Variants in ATG2B observed in about 807,000 individuals in gnomAD.
The protein encoded by ATG2B is autophagy related 2B, also known as autophagy-related protein 2 homolog B.
In ATG2B, 121 loss-of-function variants were observed where a neutral mutation model predicts 241.3. The ratio of observed to expected loss-of-function variants is 0.50; its 90% CI spans 0.43 to 0.58. The LOEUF (loss-of-function observed/expected upper bound fraction) is 0.58, where lower values mean the gene tolerates loss of function less well. Among genes scored for constraint, ATG2B ranks in the 20% least tolerant of loss-of-function variants. ATG2B has a pLI of 0.00. For synonymous variants in ATG2B, 858 were observed against 876.6 expected, an observed-to-expected ratio of 0.98 and a Z score of 0.37; for missense variants, 2,306 against 2,491.6, an observed-to-expected ratio of 0.93 and a Z score of 1.59.
At position 96,303,081 on chromosome 14, in the gene ATG2B, G is replaced by A. The variant is rs755697489; in HGVS notation, c.5017C>T (p.Arg1673Ter). The part of the protein sequence containing the change: ...LYLYCSKEMP[R>*]KAHSNMLTVK... The stretch of plus-strand genomic sequence containing the variant: ...CTTACCATGTTGGAGTGAGCTTTTC[G>A]AGGCATTTCTTTACTGCAATACAGG... The change falls in exon 33 of 42, where the codon CGA becomes TGA. Residue 1673 changes from arginine (R) to a stop codon, truncating the protein, a stop_gained. Coordinates refer to ENST00000359933, the MANE Select transcript of ATG2B (RefSeq NM_018036.7). LOFTEE classifies it high-confidence loss of function. 5 of 1,596,230 alleles carry A rather than the reference G, an allele frequency of 3.1e-6. No individual in the cohort carries two copies. The highest frequency in any genetic ancestry group is 4.3e-6 in the Non-Finnish European group (5 of 1,170,856).
At chr14:96,355,670 C>G (rs1182167067) in intron 1 of ATG2B, among the ~76,000 whole-genome samples, 1 of 152,032 alleles carries the variant, frequency 6.6e-6, no homozygotes, top group African/African-American at 2.4e-5. Context: ...GGCCATTGGT[C>G]TTTATCTTTC....
In ATG2B at chr14:96,279,497, C is replaced by T. The variant is rs1214055842; in HGVS notation, c.*6258G>A. The T allele has an allele frequency of 1.3e-5, 2 of 152,238 alleles. No homozygotes were observed. Among genetic ancestry groups the T allele is most frequent in the African/African-American group, 4.8e-5 (2 of 41,444 alleles). 9.4% of individuals were successfully genotyped at this position (152,238 alleles called of 1,614,324 possible). A position where few individuals can be genotyped will look rare whatever the true frequency, so the allele number is the denominator to read the frequency against. On this transcript the variant is annotated 3_prime_UTR_variant, in exon 42 of 42. Transcript: ENST00000359933. ...GGCACCGGGTCCCTAAGTCCCTTGCCCTCCTGAAGGAAGTCAAACAGGGAA... is the reference window on the plus strand; with the variant it reads ...GGCACCGGGTCCCTAAGTCCCTTGCTCTCCTGAAGGAAGTCAAACAGGGAA...
chr14:96,339,739 G>A (rs1262964804), intron 6 of ATG2B, among the ~76,000 whole-genome samples: 1 of 151,894 alleles, frequency 6.6e-6, no homozygotes, highest in Non-Finnish European at 1.5e-5. Context: ...AGGTTAGGAA[G>A]GAGGTGAAGG....
rs182875008 is a variant in ATG2B at position 96,316,737 on chromosome 14, A to T, written c.3211-54T>A. ...GTTATTACTTAAATGCAGAAAAGTA[A>T]GCATGTTCCTTGAGATGCTCTTTGT... On this transcript the variant is annotated intron_variant, in intron 20 of 41. Coordinates refer to ENST00000359933, the MANE Select transcript of ATG2B (RefSeq NM_018036.7). 7.3e-4 allele frequency: 1,093 copies of T among 1,505,768 alleles called. 2 individuals are homozygous for T. The highest frequency in any genetic ancestry group is 1.6e-3 in the Middle Eastern group (8 of 5,064). 93.3% of individuals were successfully genotyped at this position (1,505,768 alleles called of 1,614,324 possible).
intron 6 of ATG2B, among the ~76,000 whole-genome samples, chr14:96,338,539 A>G (rs1339883009): frequency 6.6e-6 from 1 of 152,188 alleles, no homozygotes; most frequent in Non-Finnish European, 1.5e-5. Context: ...TAAATTGGTT[A>G]AAACACCCCC....
In ATG2B at chr14:96,290,683, C is replaced by A. The variant is rs1026095158; in HGVS notation, c.5702-93G>T. On this transcript the variant is annotated intron_variant, in intron 39 of 41. Coordinates refer to ENST00000359933, the MANE Select transcript of ATG2B (RefSeq NM_018036.7). This position sits in a 1 kb window ranked among gnomAD's most constrained non-coding sequence, Gnocchi z 4.4. ...GGTTTTTAACTCCTAAAACTGGAGG[C>A]AAAGTTTTGTGTATATGAGTACATA... The A allele has an allele frequency of 5.1e-6, 8 of 1,560,264 alleles. No homozygotes were observed. The African/African-American group carries it at 9.6e-5, about 19-fold the overall frequency.
chr14:96,333,096 T>TA lies in ATG2B; in HGVS notation c.1208-442dup, dbSNP rs1201070185. Among the ~76,000 whole-genome samples the TA allele has an allele frequency of 2.6e-5, 4 of 152,168 alleles. 1 individual carries two copies. Among genetic ancestry groups the TA allele is most frequent in the South Asian group, 4.1e-4 (2 of 4,836 alleles). On this transcript the variant is annotated intron_variant, in intron 8 of 41. Coordinates refer to ENST00000359933, the MANE Select transcript of ATG2B (RefSeq NM_018036.7). ...TCAGTTCCTTCTTTCGGAATTGTTT[T>TA]ACTCTCATGCAAATGAAGTTTATTA...
chr14:96,329,607 G>A lies in ATG2B; in HGVS notation c.1758C>T (p.Ser586=). The change falls in exon 12 of 42, where the codon TCC becomes TCT. Residue 586 remains serine, a synonymous_variant. Transcript: ENST00000359933. ...AAGCTGATCTTTGTCTTTGTTCATA[G>A]GATACTTTAATGCCAGTACCTATAA... ...LRFIGTGIKV[S]YEQRQRSASR... is the part of the protein sequence containing the mutation. 2 of 1,607,306 alleles carry A rather than the reference G, an allele frequency of 1.2e-6. No homozygotes were observed. Among genetic ancestry groups the A allele is most frequent in the Non-Finnish European group, 1.7e-6 (2 of 1,174,544 alleles).
Position 96,279,779 on chromosome 14 carries a change from G to A in ATG2B, c.*5976C>T, listed in dbSNP as rs181398447. The A allele has an allele frequency of 1.7e-4, 26 of 151,180 alleles. No individual in the cohort carries two copies. The highest frequency in any genetic ancestry group is 2.2e-4 in the Non-Finnish European group (15 of 67,892). 9.4% of individuals were successfully genotyped at this position (151,180 alleles called of 1,614,324 possible). On this transcript the variant is annotated 3_prime_UTR_variant, in exon 42 of 42. Coordinates refer to ENST00000359933, the MANE Select transcript of ATG2B (RefSeq NM_018036.7). ...CTTAGCCCAGTGATTTTTAACAGGG[G>A]ATTTTTGTCATATTTGGCATATTTG...
intron 32 of ATG2B, 65 bp downstream of exon 32, chr14:96,304,430 G>A (rs1239394719): frequency 3.3e-6 from 4 of 1,209,288 alleles, no homozygotes; most frequent in African/African-American, 1.5e-5. Context: ...CGTGGTGGGG[G>A]ATAACAAAAG....
In ATG2B at chr14:96,302,608, T is replaced by G. The variant is rs377357849; in HGVS notation, c.5037+453A>C. Among the ~76,000 whole-genome samples, 5 of 152,148 alleles carry G rather than the reference T, an allele frequency of 3.3e-5. No individual in the cohort carries two copies. In the East Asian group the frequency reaches 7.7e-4, roughly 24 times the overall value. ...AAAAAAACTGCTTAAAGATGTAGAC[T>G]CTCTTTAGAGGAAAAATTGCAAATG... On this transcript the variant is annotated intron_variant, in intron 33 of 41. Coordinates refer to ENST00000359933, the MANE Select transcript of ATG2B (RefSeq NM_018036.7).
intron 1 of ATG2B, among the ~76,000 whole-genome samples, chr14:96,358,066 C>T (rs1339679642): frequency 2.0e-5 from 3 of 152,130 alleles, no homozygotes; most frequent in Non-Finnish European, 4.4e-5. Context: ...AAGTTTTCGT[C>T]CCAATTTTGT....
chr14:96,328,394 T>A lies in ATG2B; in HGVS notation c.2116A>T (p.Met706Leu), dbSNP rs760519524. Residue 706 changes from methionine to leucine, a missense_variant, in exon 14 of 42, where the codon ATG (methionine) becomes TTG (leucine). Physicochemically the swap from Met to Leu is conservative, Grantham distance 15 (BLOSUM62 2). Transcript: ENST00000359933. Reference protein sequence around the residue: ...LQPQKLATVEMMASHMYTSYN... With the variant: ...LQPQKLATVELMASHMYTSYN... ...GAAGTATACATGTGGGATGCCATCA[T>A]CTCTACTGTGGCAAGTTTCTGTGGT... The A allele has an allele frequency of 3.1e-6, 5 of 1,613,592 alleles. No individual in the cohort carries two copies. Among genetic ancestry groups the A allele is most frequent in the African/African-American group, 1.3e-5 (1 of 74,898 alleles).
At chr14:96,344,497 T>C (rs554339456) in intron 4 of ATG2B, among the ~76,000 whole-genome samples, 157 bp downstream of exon 4, 2 of 152,260 alleles carry the variant, frequency 1.3e-5, no homozygotes, top group Non-Finnish European at 2.9e-5. Context: ...ATAAGGGAAT[T>C]AGAATAATAA....
chr14:96,343,489 G>T (rs933202904), intron 4 of ATG2B, among the ~76,000 whole-genome samples: 3 of 152,054 alleles, frequency 2.0e-5, no homozygotes, highest in Non-Finnish European at 2.9e-5. Context: ...AAGTTAAGGG[G>T]TTTTTTCAAG....
intron 28 of ATG2B, 109 bp downstream of exon 28, chr14:96,311,008 G>T (rs1887137467): frequency 9.9e-7 from 1 of 1,008,124 alleles, no homozygotes; most frequent in Non-Finnish European, 1.4e-6. Context: ...AAGAACAGAT[G>T]AATGACTTTC....
chr14:96,357,851 C>A (rs1468143290), intron 1 of ATG2B, among the ~76,000 whole-genome samples: 3 of 152,176 alleles, frequency 2.0e-5, no homozygotes, highest in Non-Finnish European at 4.4e-5. Context: ...TGGGATTAAG[C>A]TCTATTACTT....
chr14:96,288,153 A>G (rs756071691), intron 41 of ATG2B, among the ~76,000 whole-genome samples: 2 of 151,954 alleles, frequency 1.3e-5, no homozygotes, highest in Non-Finnish European at 2.9e-5. Context: ...ACTAAACTTT[A>G]AACCCAAATA....
intron 16 of ATG2B, 65 bp downstream of exon 16, chr14:96,323,831 G>C (rs1430389629): frequency 9.6e-7 from 1 of 1,043,968 alleles, no homozygotes; most frequent in Non-Finnish European, 1.4e-6. Context: ...ACAAAATGTT[G>C]GTTTAAAAGA....
Sources: allele counts gnomAD v4.1 joint callset (sites outside exome capture counted in the v4.1 genomes callset), GRCh38; gene constraint gnomAD v4.1.1; non-coding constraint Gnocchi (gnomAD v3.1); transcripts MANE v1.5; gene names NCBI Gene and HGNC (gene_info 2026-07-23, HGNC 2026-07-21).